The following CSMD3 variants were observed in gnomAD, a reference collection of about 807,000 sequenced individuals.
CSMD3 encodes CUB and sushi domain-containing protein 3.
Under a neutral mutation model 435.2 loss-of-function variants are expected in CSMD3, and 177 were observed. The ratio of observed to expected loss-of-function variants is 0.41; its 90% CI spans 0.36 to 0.46. CSMD3 has a LOEUF of 0.46. Ranked by LOEUF, CSMD3 falls within the 20% of genes least tolerant of loss-of-function variation. The probability of loss-of-function intolerance (pLI) is 0.34; values close to 1 mark genes in which losing one functional copy is unlikely to be tolerated. For synonymous variants in CSMD3, 1,656 were observed against 1,520.5 expected, an observed-to-expected ratio of 1.09 and a Z score of -2.07; for missense variants, 4,265 against 4,504.6, an observed-to-expected ratio of 0.95 and a Z score of 1.52.
chr8:113,422,849 A>G (rs1034994395), intron 1 of CSMD3, among the ~76,000 whole-genome samples: 4 of 152,090 alleles, frequency 2.6e-5, no homozygotes, highest in African/African-American at 7.2e-5. Context: ...GTATTTAGGT[A>G]TCAGCTACAA....
chr8:112,323,026 T>C (rs1339563520), intron 45 of CSMD3, among the ~76,000 whole-genome samples: 1 of 151,952 alleles, frequency 6.6e-6, no homozygotes, highest in East Asian at 1.9e-4. Flanking sequence ...GGGGATGAAA[T>C]AGAAACAATT....
At chr8:113,083,733 A>G (rs1267148211) in intron 5 of CSMD3, among the ~76,000 whole-genome samples, 2 of 152,166 alleles carry the variant, frequency 1.3e-5, no homozygotes, top group African/African-American at 4.8e-5. Context: ...TTTTCAATTG[A>G]AAGGTAGAGG....
In CSMD3 at chr8:112,897,664, TTCTCTCTCTCTCTC is replaced by T. The variant is rs148140086; in HGVS notation, c.1633+23949_1633+23962del. On this transcript the variant is annotated intron_variant, in intron 10 of 70. Coordinates refer to ENST00000297405, the MANE Select transcript of CSMD3 (RefSeq NM_198123.2). ...TATCGAGAACTCCCTAAAATACTAT[TTCTCTCTCTCTCTC>T]TCTCTCTCTCTCTCTCTGTGTGTGT... is the stretch of plus-strand genomic sequence containing the variant. Among the ~76,000 whole-genome samples the T allele has an allele frequency of 5.4e-3, 723 of 135,034 alleles. 14 individuals are homozygous for T. Among genetic ancestry groups the T allele is most frequent in the African/African-American group, 0.019 (659 of 35,100 alleles). The allele number at this position is 135,034 out of a possible 152,430, so 88.6% of individuals were successfully genotyped here.
At chr8:112,366,128 T>C (rs1047144005) in intron 38 of CSMD3, among the ~76,000 whole-genome samples, 2 of 152,152 alleles carry the variant, frequency 1.3e-5, no homozygotes, top group African/African-American at 4.8e-5. Flanking sequence ...TGGAAGTGGT[T>C]CAGTCAAAGC....
intron 13 of CSMD3, among the ~76,000 whole-genome samples, chr8:112,788,741 C>T (rs1319613889): frequency 2.0e-5 from 3 of 152,096 alleles, no homozygotes; most frequent in Non-Finnish European, 4.4e-5. Flanking sequence ...TACTACCACT[C>T]ATTCTAATTC....
At chr8:112,390,095 A>G (rs1347073052) in intron 36 of CSMD3, among the ~76,000 whole-genome samples, 2 of 152,176 alleles carry the variant, frequency 1.3e-5, no homozygotes, top group Admixed American at 6.5e-5. Flanking sequence ...ATCATAGTAA[A>G]TCTTTGGTTG....
chr8:113,145,859 G>A (rs914089684), intron 4 of CSMD3, among the ~76,000 whole-genome samples: 8 of 151,386 alleles, frequency 5.3e-5, no homozygotes, highest in Non-Finnish European at 4.4e-5. Context: ...ATTGACTGCT[G>A]TTGGCCACAC....
chr8:113,334,704 C>A (rs550458055), intron 1 of CSMD3, among the ~76,000 whole-genome samples: 3 of 152,106 alleles, frequency 2.0e-5, no homozygotes, highest in Non-Finnish European at 4.4e-5. Flanking sequence ...TTTCTCTTTT[C>A]TTTGCACTTT....
intron 1 of CSMD3, among the ~76,000 whole-genome samples, chr8:113,337,714 A>C (rs940175517): frequency 6.6e-6 from 1 of 152,036 alleles, no homozygotes; most frequent in African/African-American, 2.4e-5. Context: ...AGTTTTGGAG[A>C]TGTTGGTAGA....
At chr8:113,031,662 G>C (rs1388517177) in intron 5 of CSMD3, among the ~76,000 whole-genome samples, 1 of 151,568 alleles carries the variant, frequency 6.6e-6, no homozygotes, top group African/African-American at 2.4e-5. Context: ...CTGCAAAATT[G>C]GTGAAATCTG....
At chr8:112,339,872 G>A (rs189415856) in intron 42 of CSMD3, among the ~76,000 whole-genome samples, 1 of 152,268 alleles carries the variant, frequency 6.6e-6, no homozygotes, top group East Asian at 1.9e-4. Flanking sequence ...TTAAAACTCA[G>A]TGTGATTCAC....
intron 4 of CSMD3, among the ~76,000 whole-genome samples, chr8:113,121,715 A>C (rs1195237194): frequency 6.6e-6 from 1 of 152,132 alleles, no homozygotes; most frequent in Non-Finnish European, 1.5e-5. Context: ...TCTATCACAC[A>C]GTTAGACAGC....
intron 10 of CSMD3, among the ~76,000 whole-genome samples, chr8:112,872,958 A>G (rs2081178600): frequency 6.6e-6 from 1 of 151,974 alleles, no homozygotes; most frequent in East Asian, 1.9e-4. Context: ...GACTAAGAAG[A>G]TGATGTGTAG....
intron 11 of CSMD3, among the ~76,000 whole-genome samples, chr8:112,836,758 A>T (rs2080037009): frequency 6.6e-6 from 1 of 151,754 alleles, no homozygotes; most frequent in Non-Finnish European, 1.5e-5. Context: ...CTTTTTAAAT[A>T]ATGCATTTGT....
intron 5 of CSMD3, among the ~76,000 whole-genome samples, chr8:113,032,122 G>A (rs2087135656): frequency 6.6e-6 from 1 of 151,574 alleles, no homozygotes. Context: ...TCTTTATACA[G>A]TGTGATAACA....
At chr8:113,104,545 A>G (rs1212880257) in intron 4 of CSMD3, among the ~76,000 whole-genome samples, 1 of 152,082 alleles carries the variant, frequency 6.6e-6, no homozygotes, top group Non-Finnish European at 1.5e-5. Flanking sequence ...CCCCTTTCTC[A>G]TGGAGAAGAA....
intron 38 of CSMD3, among the ~76,000 whole-genome samples, chr8:112,371,070 G>A (rs1254837683): frequency 2.0e-5 from 3 of 152,126 alleles, no homozygotes; most frequent in Non-Finnish European, 4.4e-5. Flanking sequence ...AAAACATGCA[G>A]CTGCCCAGAT....
At chr8:113,075,807 T>A (rs1199832540) in intron 5 of CSMD3, among the ~76,000 whole-genome samples, 2 of 151,790 alleles carry the variant, frequency 1.3e-5, no homozygotes, top group East Asian at 3.9e-4. Flanking sequence ...AAAAAAAATT[T>A]GTAAAGTATG....
intron 7 of CSMD3, among the ~76,000 whole-genome samples, chr8:112,959,618 T>A (rs891590607): frequency 6.6e-6 from 1 of 151,922 alleles, no homozygotes; most frequent in Admixed American, 6.6e-5. Flanking sequence ...GATACCTGGA[T>A]GTGCGTTTCC....
Sources: gnomAD v4.1 joint callset for allele counts (sites outside exome capture counted in the v4.1 genomes callset) on GRCh38, gnomAD v4.1.1 for gene constraint, MANE v1.5 for transcripts, NCBI Gene and HGNC (gene_info 2026-07-23, HGNC 2026-07-21) for gene names.